Variants in SERPINI2 observed in about 807,000 individuals in gnomAD.
SERPINI2 encodes serpin family I member 2, also known as serpin I2.
Under a neutral mutation model 47.3 loss-of-function variants are expected in SERPINI2, and 48 were observed. The ratio of observed to expected loss-of-function variants is 1.02; its 90% CI spans 0.81 to 1.29. The LOEUF (loss-of-function observed/expected upper bound fraction) is 1.29, where lower values mean the gene tolerates loss of function less well. SERPINI2 is among the 50% of genes most tolerant of loss of function. The probability of loss-of-function intolerance (pLI) is 0.00; values close to 1 mark genes in which losing one functional copy is unlikely to be tolerated. For missense variants in SERPINI2, 448 were observed against 456.9 expected (o/e 0.98, Z 0.18); for synonymous variants, 135 against 149.3 (o/e 0.90, Z 0.70).
At chr3:167,455,607 G>A (rs56025533) in intron 5 of SERPINI2, among the ~76,000 whole-genome samples, 12,053 of 127,188 alleles carry the variant, frequency 0.095, 539 homozygotes, top group Non-Finnish European at 0.12. Flanking sequence ...AAAAAAAAAA[G>A]AAAAGAAAAG....
In SERPINI2 at chr3:167,452,111, C is replaced by T. The variant is rs144795321; in HGVS notation, c.964+825G>A. Among the ~76,000 whole-genome samples, 503 of 152,246 alleles carry T rather than the reference C, an allele frequency of 3.3e-3. 2 individuals are homozygous for T. Among genetic ancestry groups the T allele is most frequent in the Middle Eastern group, 0.024 (7 of 294 alleles). On this transcript the variant is annotated intron_variant, in intron 6 of 8. Transcript: ENST00000264677. ...GATGACTAAATTAACAACACGTTTC[C>T]AAAGCCCAGATACCTATATAGAAAT... is the stretch of plus-strand genomic sequence containing the variant.
intron 5 of SERPINI2, among the ~76,000 whole-genome samples, chr3:167,455,306 T>C (rs1052733908): frequency 3.3e-5 from 5 of 152,212 alleles, no homozygotes; most frequent in African/African-American, 1.2e-4. Context: ...AATGTAACCA[T>C]TGTGCTGAAA....
chr3:167,468,505 G>A (rs374179037), intron 2 of SERPINI2, among the ~76,000 whole-genome samples: 15 of 152,178 alleles, frequency 9.9e-5, no homozygotes, highest in Admixed American at 2.0e-4. Context: ...TTGGCCTGGC[G>A]TTCTCACAGC....
rs1478608056 is a variant in SERPINI2, at chr3:167,474,002, C to A, written c.-11+1G>T. The A allele has an allele frequency of 1.8e-6, 2 of 1,131,362 alleles. No individual in the cohort carries two copies. Among genetic ancestry groups the A allele is most frequent in the African/African-American group, 1.6e-5 (1 of 61,738 alleles). The allele number at this position is 1,131,362 out of a possible 1,614,324, so 70.1% of individuals were successfully genotyped here. The stretch of plus-strand genomic sequence containing the variant: ...AAGCTATTTATTTCTAAGGTACTTA[C>A]CCCAAACTGACTTCTGATTATTCAC... On this transcript the variant is annotated splice_donor_variant, in intron 1 of 8. Transcript: ENST00000264677. LOFTEE classifies it low-confidence loss of function (5UTR_SPLICE).
upstream of SERPINI2, among the ~76,000 whole-genome samples, chr3:167,474,393 A>G (rs1259589245): frequency 6.6e-6 from 1 of 151,728 alleles, no homozygotes; most frequent in Non-Finnish European, 1.5e-5. Context: ...CAGATTACCA[A>G]TGCACTTTGT....
At chr3:167,476,108 A>C (rs1750474697), upstream of SERPINI2, among the ~76,000 whole-genome samples, 1 of 144,406 alleles carries the variant, frequency 6.9e-6, no homozygotes, top group African/African-American at 2.9e-5. Context: ...AATACAAACA[A>C]GGTAGCCTAT....
intron 5 of SERPINI2, among the ~76,000 whole-genome samples, chr3:167,459,281 A>G (rs1487333486): frequency 1.3e-5 from 2 of 151,862 alleles, no homozygotes; most frequent in Non-Finnish European, 2.9e-5. Flanking sequence ...TCACCGTTTT[A>G]GCCGGGATGG....
chr3:167,458,545 A>T (rs1304821180), intron 5 of SERPINI2, among the ~76,000 whole-genome samples: 1 of 151,364 alleles, frequency 6.6e-6, no homozygotes, highest in Non-Finnish European at 1.5e-5. Flanking sequence ...TACAGGCGTG[A>T]GCCACCGCTC....
chr3:167,453,011 C>G (rs772824912), exon 6 of SERPINI2: 2 of 1,589,134 alleles, frequency 1.3e-6, no homozygotes, highest in South Asian at 2.3e-5. Flanking sequence ...TCTTTGAAGT[C>G]TACTTTTTGT....
intron 6 of SERPINI2, among the ~76,000 whole-genome samples, chr3:167,452,538 T>G (rs1025763125): frequency 6.6e-6 from 1 of 152,254 alleles, no homozygotes; most frequent in East Asian, 1.9e-4. Context: ...ATTTCATGTG[T>G]TCTCATATTA....
chr3:167,451,587 A>G (rs1749642238), intron 6 of SERPINI2, among the ~76,000 whole-genome samples: 1 of 152,244 alleles, frequency 6.6e-6, no homozygotes, highest in Non-Finnish European at 1.5e-5. Flanking sequence ...AGAGGGAAAG[A>G]ACAGAAGATG....
exon 3 of SERPINI2, chr3:167,467,217 T>C: frequency 6.2e-7 from 1 of 1,613,388 alleles, no homozygotes. Context: ...TTGGCAAGAT[T>C]AAATGTAAAT....
chr3:167,446,360 C>A, intron 8 of SERPINI2, 32 bp downstream of exon 8: 2 of 1,400,038 alleles, frequency 1.4e-6, no homozygotes, highest in South Asian at 2.4e-5. Context: ...TTAACATAAT[C>A]AGTTCCCCCA....
intron 8 of SERPINI2, among the ~76,000 whole-genome samples, chr3:167,443,097 T>C (rs1395990843): frequency 6.6e-6 from 1 of 152,206 alleles, no homozygotes; most frequent in Non-Finnish European, 1.5e-5. Context: ...TTTTATTTTA[T>C]TTTTTTGTTT....
intron 4 of SERPINI2, 34 bp downstream of exon 4, chr3:167,465,445 G>T: frequency 6.2e-7 from 1 of 1,607,942 alleles, no homozygotes. Flanking sequence ...CAATTCTCAA[G>T]ACTATGCTTA....
intron 8 of SERPINI2, among the ~76,000 whole-genome samples, chr3:167,443,200 C>T (rs76299809): frequency 0.12 from 18,626 of 152,198 alleles, 1,245 homozygotes; most frequent in African/African-American, 0.19. Flanking sequence ...CTCCGCCTCC[C>T]GGGTTCACGC....
chr3:167,446,199 G>T (rs1305038194), intron 8 of SERPINI2, among the ~76,000 whole-genome samples, 193 bp downstream of exon 8: 3 of 152,140 alleles, frequency 2.0e-5, no homozygotes, highest in African/African-American at 7.2e-5. Context: ...TAGCCATGAT[G>T]GCAGCCATTA....
At position 167,442,211 on chromosome 3, in the gene SERPINI2, T is replaced by C. The variant is rs1056799950; in HGVS notation, c.1142-26A>G. 6.0e-6 allele frequency: 9 copies of C among 1,509,132 alleles called. No homozygotes were observed. In the African/African-American group the frequency reaches 9.9e-5, roughly 17 times the overall value. 93.5% of individuals were successfully genotyped at this position (1,509,132 alleles called of 1,614,324 possible). A position where few individuals can be genotyped will look rare whatever the true frequency, so the allele number is the denominator to read the frequency against. ...CTAGGGAAAAAAAAACAAAAAAATATACTTTAGGAATTTCAGGAGAAAACA... is the reference window on the plus strand; with the variant it reads ...CTAGGGAAAAAAAAACAAAAAAATACACTTTAGGAATTTCAGGAGAAAACA... On this transcript the variant is annotated intron_variant, in intron 8 of 8. Coordinates refer to ENST00000264677, the Ensembl canonical transcript of SERPINI2.
At chr3:167,474,970 C>T (rs1750447007), upstream of SERPINI2, among the ~76,000 whole-genome samples, 4 of 151,704 alleles carry the variant, frequency 2.6e-5, no homozygotes, top group African/African-American at 9.7e-5. Flanking sequence ...ATATAGATAG[C>T]TTTAAATGGA....
Sources: allele counts gnomAD v4.1 joint callset (sites outside exome capture counted in the v4.1 genomes callset), GRCh38; gene constraint gnomAD v4.1.1; transcripts MANE v1.5; gene names NCBI Gene and HGNC (gene_info 2026-07-23, HGNC 2026-07-21).